Variants in CHN1 observed in about 807,000 individuals in gnomAD.
CHN1 encodes the protein N-chimaerin.
A neutral mutation model predicts 59.5 loss-of-function variants in CHN1; 37 were observed. That is an observed-to-expected ratio of 0.62 (90% confidence interval 0.48 to 0.82). CHN1 has a LOEUF of 0.82. Ranked by LOEUF, CHN1 falls within the 40% of genes least tolerant of loss-of-function variation. The probability of loss-of-function intolerance (pLI) is 0.00; values close to 1 mark genes in which losing one functional copy is unlikely to be tolerated. For synonymous variants in CHN1, 206 were observed against 200.4 expected (o/e 1.03, Z -0.24); for missense variants, 469 against 571.0 (o/e 0.82, Z 1.82).
At chr2:174,911,779 G>A (rs1304851401) in intron 5 of CHN1, among the ~76,000 whole-genome samples, 1 of 152,186 alleles carries the variant, frequency 6.6e-6, no homozygotes, top group Non-Finnish European at 1.5e-5. Flanking sequence ...TTAAGTGCAG[G>A]AGAGATGCCA....
intron 1 of CHN1, among the ~76,000 whole-genome samples, chr2:174,955,098 TATATATAG>T (rs1361758280): frequency 1.3e-5 from 2 of 150,308 alleles, no homozygotes; most frequent in Non-Finnish European, 3.0e-5. Flanking sequence ...TATATATCTA[TATATATAG>T]ATCTATAGAT....
intron 6 of CHN1, among the ~76,000 whole-genome samples, chr2:174,852,158 A>T (rs1044617671): frequency 6.6e-6 from 1 of 151,824 alleles, no homozygotes; most frequent in Non-Finnish European, 1.5e-5. Flanking sequence ...GTGTGGTGGC[A>T]GGCACCTGTA....
intron 1 of CHN1, among the ~76,000 whole-genome samples, chr2:174,997,700 C>A (rs1691752922): frequency 6.6e-6 from 1 of 152,022 alleles, no homozygotes; most frequent in African/African-American, 2.4e-5. Flanking sequence ...AACTTCACAG[C>A]CATTAAAGAA....
At position 174,891,936 on chromosome 2, in the gene CHN1, C is replaced by T. The variant is rs573227919; in HGVS notation, c.261-13808G>A. ...AAACAAGAAATATTACAACTGATGC[C>T]ACAAAAATAAAAAGTAAAAGAAATT... On this transcript the variant is annotated intron_variant, in intron 5 of 12. Transcript: ENST00000409900. Among the ~76,000 whole-genome samples the T allele has an allele frequency of 3.9e-5, 6 of 152,056 alleles. No homozygotes were observed. The East Asian group carries it at 1.2e-3, about 29-fold the overall frequency.
chr2:174,993,676 ACAAT>A (rs1182757282), intron 1 of CHN1, among the ~76,000 whole-genome samples: 1 of 152,098 alleles, frequency 6.6e-6, no homozygotes, highest in African/African-American at 2.4e-5. Flanking sequence ...AATCACAGCT[ACAAT>A]CAGAGGGAAA....
intron 1 of CHN1, among the ~76,000 whole-genome samples, chr2:174,984,126 G>A (rs767051027): frequency 5.3e-5 from 8 of 151,058 alleles, no homozygotes; most frequent in African/African-American, 1.2e-4. Flanking sequence ...AAATAGGCAC[G>A]TTTGAAAGCT....
chr2:174,964,741 AAC>A (rs1690541116), intron 1 of CHN1, among the ~76,000 whole-genome samples: 1 of 152,214 alleles, frequency 6.6e-6, no homozygotes, highest in African/African-American at 2.4e-5. Flanking sequence ...GGAAATGAAA[AAC>A]AGTTTCTTAA....
chr2:174,860,947 T>C (rs1237014204), intron 6 of CHN1, among the ~76,000 whole-genome samples: 1 of 152,166 alleles, frequency 6.6e-6, no homozygotes, highest in Non-Finnish European at 1.5e-5. Context: ...ACGGTCCTTT[T>C]ATCAGAAATA....
intron 1 of CHN1, among the ~76,000 whole-genome samples, chr2:174,992,955 A>C (rs918219256): frequency 1.3e-5 from 2 of 151,882 alleles, no homozygotes; most frequent in Admixed American, 6.6e-5. Flanking sequence ...CATGCCAGCT[A>C]TTTTTTTATT....
At chr2:174,949,193 A>C (rs1689942588) in intron 2 of CHN1, among the ~76,000 whole-genome samples, 1 of 114,868 alleles carries the variant, frequency 8.7e-6, no homozygotes, top group South Asian at 2.4e-4. Context: ...AAAAACTGTA[A>C]AACTGTCTTG....
chr2:174,839,930 CT>C lies in CHN1; in HGVS notation c.627+6949del, dbSNP rs143383544. Among the ~76,000 whole-genome samples the C allele has an allele frequency of 6.6e-3, 999 of 151,992 alleles. 4 individuals are homozygous for C. The highest frequency in any genetic ancestry group is 0.011 in the Non-Finnish European group (721 of 67,972). ...TACTTAAATATTTAAGAGGGTAGAT[CT>C]CATGTGACATGTTCTTATCACACAC... is the stretch of plus-strand genomic sequence containing the variant. On this transcript the variant is annotated intron_variant, in intron 7 of 12. Coordinates refer to ENST00000409900, the MANE Select transcript of CHN1 (RefSeq NM_001822.7).
intron 8 of CHN1, among the ~76,000 whole-genome samples, chr2:174,823,446 G>C (rs1488773588): frequency 1.3e-5 from 2 of 152,138 alleles, no homozygotes; most frequent in East Asian, 3.9e-4. Flanking sequence ...GGTGGATCAC[G>C]AGGTCAGGAG....
chr2:174,951,165 T>C (rs1242620433), intron 2 of CHN1, among the ~76,000 whole-genome samples: 1 of 152,204 alleles, frequency 6.6e-6, no homozygotes, highest in African/African-American at 2.4e-5. Flanking sequence ...TTTTTACACA[T>C]TCGTATAACT....
At chr2:174,824,375 A>AC in intron 8 of CHN1, 59 bp downstream of exon 8, 1 of 1,171,564 alleles carries the variant, frequency 8.5e-7, no homozygotes, top group Non-Finnish European at 1.2e-6. Context: ...GTCTCCTTCT[A>AC]CCTCACCTCT....
At chr2:174,818,052 C>T (rs1046388047) in intron 8 of CHN1, among the ~76,000 whole-genome samples, 14 of 152,164 alleles carry the variant, frequency 9.2e-5, no homozygotes, top group African/African-American at 1.7e-4. Context: ...GGATTATAGG[C>T]GTGAGTTACC....
intron 1 of CHN1, among the ~76,000 whole-genome samples, chr2:174,988,811 T>C (rs926605516): frequency 1.3e-5 from 2 of 152,164 alleles, no homozygotes; most frequent in African/African-American, 4.8e-5. Context: ...AGAAGGTGTA[T>C]ATTGCTGTAA....
At chr2:174,973,880 G>A (rs1202521193) in intron 1 of CHN1, among the ~76,000 whole-genome samples, 1 of 152,048 alleles carries the variant, frequency 6.6e-6, no homozygotes, top group East Asian at 1.9e-4. Flanking sequence ...CTGACATTAA[G>A]GAAATTTCCA....
chr2:174,824,356 TAAC>T (rs769076711), intron 8 of CHN1, 75 bp downstream of exon 8: 106 of 1,120,550 alleles, frequency 9.5e-5, no homozygotes, highest in Non-Finnish European at 1.2e-4. Flanking sequence ...TGGATATGCA[TAAC>T]AACAAGTCTC....
rs530010880 is a variant in CHN1, at chr2:175,002,841, A to T, written c.19+2053T>A. ...TGTTCTAAGTTGGTCATTAAGAGTAAATATGAAGGGACATGAGGCACTTCT... is the reference window on the plus strand; with the variant it reads ...TGTTCTAAGTTGGTCATTAAGAGTATATATGAAGGGACATGAGGCACTTCT... On this transcript the variant is annotated intron_variant, in intron 1 of 12. Transcript: ENST00000409900. Among the ~76,000 whole-genome samples the T allele has an allele frequency of 3.3e-5, 5 of 152,356 alleles. No individual in the cohort carries two copies. In the East Asian group the frequency reaches 9.6e-4, roughly 29 times the overall value.
Sources: allele counts gnomAD v4.1 joint callset (sites outside exome capture counted in the v4.1 genomes callset), GRCh38; gene constraint gnomAD v4.1.1; transcripts MANE v1.5; gene names NCBI Gene and HGNC (gene_info 2026-07-23, HGNC 2026-07-21).